Variants in SBF1 observed in about 807,000 individuals in gnomAD.
SBF1 encodes the protein SET binding factor 1.
In SBF1, 65 loss-of-function variants were observed where a neutral mutation model predicts 215.8. The observed-to-expected ratio is 0.30, with a 90% CI of 0.25 to 0.37. SBF1 has a LOEUF of 0.37. Among genes scored for constraint, SBF1 ranks in the 10% least tolerant of loss-of-function variants. The pLI, the probability that SBF1 is intolerant of heterozygous loss-of-function variation, is 1.00. For synonymous variants in SBF1, 1,410 were observed against 1,122.8 expected (o/e 1.26, Z -5.11); for missense variants, 2,634 against 2,667.8 (o/e 0.99, Z 0.28).
chr22:50,461,485 G>GA (rs747168383), intron 22 of SBF1, 38 bp downstream of exon 22: 2 of 1,557,388 alleles, frequency 1.3e-6, no homozygotes, highest in African/African-American at 1.4e-5. Context: ...AGACCTGGGG[G>GA]AGAGGGGGCG....
At position 50,461,868 on chromosome 22, in the gene SBF1, G is replaced by A; in HGVS notation, c.2571C>T (p.Asp857=). The A allele has an allele frequency of 1.9e-6, 3 of 1,614,040 alleles. No homozygotes were observed. Among genetic ancestry groups the A allele is most frequent in the Non-Finnish European group, 2.5e-6 (3 of 1,180,038 alleles). Residue 857 remains aspartate, a splice_region_variant and synonymous_variant, in exon 21 of 41, where the codon GAC becomes GAT. Coordinates refer to ENST00000380817, the MANE Select transcript of SBF1 (RefSeq NM_002972.4). ...GGGTCTCGATGTGCATCTGGACAAT[G>A]TCTGGGGGAAGACAGTTCTCACACT... ...HLKGLHVMVP[D]IVQMHIETLE... is the part of the protein sequence containing the mutation.
At position 50,448,235 on chromosome 22, in the gene SBF1, G is replaced by A. The variant is rs2066912007; in HGVS notation, c.5361C>T (p.Asn1787=). Residue 1787 remains asparagine, a splice_region_variant and synonymous_variant, in exon 38 of 41, where the codon AAC becomes AAT. Coordinates refer to ENST00000380817, the MANE Select transcript of SBF1 (RefSeq NM_002972.4). ...GGCAGTGGGAGGTGCCCTCATACCT[G>A]TTCTCACTCTCTGCTGTCTGGAACT... ...YSQFQTAESE[N]RSYEGTLYKK... 3.1e-6 allele frequency: 5 copies of A among 1,611,544 alleles called. No individual in the cohort carries two copies. The highest frequency in any genetic ancestry group is 3.4e-6 in the Non-Finnish European group (4 of 1,179,880).
chr22:50,462,290 G>C lies in SBF1; in HGVS notation c.2311C>G (p.Leu771Val), dbSNP rs552642724. Residue 771 changes from leucine (L) to valine (V), a missense_variant, in exon 19 of 41, where the codon CTG becomes GTG. Transcript: ENST00000380817. ...AGTAGGCGGCTCTTGCTGCTGTCCA[G>C]GGGCAGGAGGAGGTAGCTCATGCGG... ...ANRMSYLLLP[L>V]DSSKSRLLRE... 5.6e-6 allele frequency: 9 copies of C among 1,613,332 alleles called. No individual in the cohort carries two copies. The highest frequency in any genetic ancestry group is 1.7e-4 in the Middle Eastern group (1 of 6,060).
Position 50,465,093 on chromosome 22 carries a change from C to A in SBF1, c.1240G>T (p.Asp414Tyr). ...CCCTCCAGCACCTTCATCAGGAAAT[C>A]GTCCTCTACCAGCCCACGCTGGCCC... ...FLGQRGLVED[D>Y]FLMKVLEGMA... The change falls in exon 12 of 41, where the codon GAT (aspartate) becomes TAT (tyrosine). Residue 414 changes from aspartate (D) to tyrosine (Y), a missense_variant. Coordinates refer to ENST00000380817, the MANE Select transcript of SBF1 (RefSeq NM_002972.4). 6.2e-7 allele frequency: 1 copy of A among 1,614,096 alleles called. No homozygotes were observed. Among genetic ancestry groups the A allele is most frequent in the Non-Finnish European group, 8.5e-7 (1 of 1,179,998 alleles).
rs201348990 is a variant in SBF1, at chr22:50,460,134, C to T, written c.3309G>A (p.Thr1103=). 2.6e-4 allele frequency: 421 copies of T among 1,612,298 alleles called. 5 individuals are homozygous for T. In the East Asian group the frequency reaches 8.1e-3, roughly 31 times the overall value. The change falls in exon 26 of 41, where the codon ACG becomes ACA. Residue 1103 remains threonine, a synonymous_variant. Coordinates refer to ENST00000380817, the MANE Select transcript of SBF1 (RefSeq NM_002972.4). ...GCTTCAGGGCTGAGGACGGGGTCAG[C>T]GTGCTGGGCTCCAGCTCCTCCGACA... ...ISVSEELEPS[T]LTPSSALKPS...
At chr22:50,469,621 G>A (rs144343946) in intron 1 of SBF1, among the ~76,000 whole-genome samples, 4 of 152,138 alleles carry the variant, frequency 2.6e-5, no homozygotes, top group African/African-American at 9.7e-5. Context: ...CACACAAACC[G>A]CAGGTCCCCA....
At chr22:50,473,558 C>CT (rs1394126338) in intron 1 of SBF1, among the ~76,000 whole-genome samples, 1 of 152,108 alleles carries the variant, frequency 6.6e-6, no homozygotes, top group East Asian at 1.9e-4. Context: ...GGAGTGTGTG[C>CT]TGAGTAAGAG....
chr22:50,464,477 C>A (rs1205098143), intron 14 of SBF1, 36 bp from the exon 15 acceptor site: 1 of 1,604,574 alleles, frequency 6.2e-7, no homozygotes, highest in African/African-American at 1.3e-5. Context: ...GGACCCCTGA[C>A]CCCACGCCCA....
chr22:50,459,322 G>T lies in SBF1; in HGVS notation c.3759C>A (p.Pro1253=), dbSNP rs751728020. ...KYLQAVVSSM[P]RYADASGRNT... is the part of the protein sequence containing the mutation. Reference sequence around the variant, plus strand: ...TGCGTCCCGACGCGTCGGCGTAGCGGGGCATGGAGCTGACCACAGCCTGCA... The same window carrying T: ...TGCGTCCCGACGCGTCGGCGTAGCGTGGCATGGAGCTGACCACAGCCTGCA... Residue 1253 remains proline (P), a synonymous_variant, in exon 28 of 41, where the codon CCC becomes CCA. Transcript: ENST00000380817. The T allele has an allele frequency of 1.9e-6, 3 of 1,612,770 alleles. No homozygotes were observed. The highest frequency in any genetic ancestry group is 2.5e-6 in the Non-Finnish European group (3 of 1,179,540).
Position 50,446,825 on chromosome 22 carries a change from AT to A in SBF1, c.*316del, listed in dbSNP as rs1162187799. On this transcript the variant is annotated 3_prime_UTR_variant, in exon 41 of 41. Coordinates refer to ENST00000380817, the MANE Select transcript of SBF1 (RefSeq NM_002972.4). ...GGAGCGTGGCGTTAGTTCTCTCTTT[AT>A]ATAGACTCTGGTTCTAGAAACTCGC... 5.8e-6 allele frequency: 4 copies of A among 691,480 alleles called. No individual in the cohort carries two copies. The African/African-American group carries it at 7.0e-5, about 12-fold the overall frequency. The allele number at this position is 691,480 out of a possible 1,614,324, so 42.8% of individuals were successfully genotyped here. A position where few individuals can be genotyped will look rare whatever the true frequency, so the allele number is the denominator to read the frequency against.
chr22:50,460,379 G>C lies in SBF1; in HGVS notation c.3176C>G (p.Ala1059Gly). ...ATGCTGCCGCCCGATGGTCTTCTTG[G>C]CGTTCTTGACCAGGTTCCGGGACAG... ...RTLSRNLVKN[A>G]KKTIGRQHVT... Residue 1059 changes from alanine to glycine, a missense_variant, in exon 25 of 41, where the codon GCC becomes GGC. Transcript: ENST00000380817. 2 of 1,613,240 alleles carry C rather than the reference G, an allele frequency of 1.2e-6. No individual in the cohort carries two copies. The highest frequency in any genetic ancestry group is 1.7e-6 in the Non-Finnish European group (2 of 1,179,456).
chr22:50,459,783 A>G, intron 26 of SBF1, 117 bp from the exon 27 acceptor site: 1 of 1,337,770 alleles, frequency 7.5e-7, no homozygotes, highest in African/African-American at 1.5e-5. Context: ...CTTCCAGCTC[A>G]GCCACGGGGC....
intron 36 of SBF1, among the ~76,000 whole-genome samples, chr22:50,454,237 G>C (rs185447436): frequency 7.2e-5 from 11 of 152,336 alleles, no homozygotes; most frequent in Admixed American, 2.6e-4. Flanking sequence ...CACGTGCTCA[G>C]AGTGGAGGCT....
At chr22:50,473,686 T>C (rs1431742105) in intron 1 of SBF1, among the ~76,000 whole-genome samples, 1 of 152,032 alleles carries the variant, frequency 6.6e-6, no homozygotes, top group Non-Finnish European at 1.5e-5. Flanking sequence ...GTGGGGACAG[T>C]GACAACTGGA....
intron 1 of SBF1, among the ~76,000 whole-genome samples, chr22:50,473,363 C>T (rs1276480848): frequency 6.6e-6 from 1 of 152,196 alleles, no homozygotes; most frequent in Non-Finnish European, 1.5e-5. Context: ...CCTCCATGCC[C>T]CTCATAGGTG....
In SBF1 at chr22:50,466,638, G is replaced by T. The variant is rs777596406; in HGVS notation, c.622C>A (p.Arg208Ser). Reference protein sequence around the residue: ...TPLADSLPVSRCSVALLFRQL... With the variant: ...TPLADSLPVSSCSVALLFRQL... Reference sequence around the variant, plus strand: ...CGGAAGAGCAGGGCCACGCTGCAGCGGCTGACGGGCAGCGAGTCGGCCAGT... The same window carrying T: ...CGGAAGAGCAGGGCCACGCTGCAGCTGCTGACGGGCAGCGAGTCGGCCAGT... Residue 208 changes from arginine to serine, a missense_variant, in exon 6 of 41, where the codon CGC becomes AGC. By Grantham distance (110) the Arg-to-Ser change is moderately radical. Transcript: ENST00000380817. 193 of 1,552,532 alleles carry T rather than the reference G, an allele frequency of 1.2e-4. No homozygotes were observed. The highest frequency in any genetic ancestry group is 3.7e-4 in the Admixed American group (19 of 51,470).
Position 50,460,682 on chromosome 22 carries a change from C to G in SBF1, c.2998G>C (p.Gly1000Arg). The change falls in exon 24 of 41, where the codon GGG becomes CGG. Residue 1000 changes from glycine (G) to arginine (R), a missense_variant. Physicochemically the swap from Gly to Arg is moderately radical, Grantham distance 125. Transcript: ENST00000380817. ...LLKMAFDEEVGSDSAELFRKQ... is the reference protein window; with the variant it reads ...LLKMAFDEEVRSDSAELFRKQ... ...CGGAAGAGCTCGGCGCTGTCAGACC[C>G]CACCTCCTCGTCAAAGGCCATTTTC... is the stretch of plus-strand genomic sequence containing the variant. The G allele has an allele frequency of 6.2e-7, 1 of 1,613,714 alleles. No homozygotes were observed. Among genetic ancestry groups the G allele is most frequent in the South Asian group, 1.1e-5 (1 of 91,064 alleles).
intron 28 of SBF1, 131 bp from the exon 29 acceptor site, chr22:50,457,242 G>T: frequency 1.5e-6 from 1 of 659,632 alleles, no homozygotes. Context: ...TCAGCCCCAA[G>T]TCCCTGATCG....
At position 50,460,492 on chromosome 22, in the gene SBF1, C is replaced by T. The variant is rs375809877; in HGVS notation, c.3146+42G>A. ...GCCTAGGAGGGTTGGAGCGGGAACA[C>T]GGCTGAGGCCCAGCTGCCCTGCCTG... On this transcript the variant is annotated intron_variant, in intron 24 of 40. Coordinates refer to ENST00000380817, the MANE Select transcript of SBF1 (RefSeq NM_002972.4). 6.8e-5 allele frequency: 109 copies of T among 1,610,120 alleles called. No individual in the cohort carries two copies. In the African/African-American group the frequency reaches 1.0e-3, roughly 15 times the overall value.
Sources: gnomAD v4.1 joint callset for allele counts (sites outside exome capture counted in the v4.1 genomes callset) on GRCh38, gnomAD v4.1.1 for gene constraint, MANE v1.5 for transcripts, NCBI Gene and HGNC (gene_info 2026-07-23, HGNC 2026-07-21) for gene names.